Variants in ELF2 observed in about 807,000 individuals in gnomAD.
ELF2 encodes ETS-related transcription factor Elf-2.
Under a neutral mutation model 54.8 loss-of-function variants are expected in ELF2, and 11 were observed. That is an observed-to-expected ratio of 0.20 (90% confidence interval 0.13 to 0.33). The LOEUF is 0.33. ELF2 is among the 10% of genes least tolerant of loss of function. ELF2 has a pLI of 1.00. For synonymous variants in ELF2, 203 were observed against 245.1 expected, an observed-to-expected ratio of 0.83 and a Z score of 1.61; for missense variants, 513 against 703.0, an observed-to-expected ratio of 0.73 and a Z score of 3.06.
At chr4:139,138,254 T>C (rs1006189968) in intron 2 of ELF2, among the ~76,000 whole-genome samples, 1 of 152,012 alleles carries the variant, frequency 6.6e-6, no homozygotes, top group African/African-American at 2.4e-5. Context: ...CCACCTTTAC[T>C]AAAAATACAA....
intron 1 of ELF2, among the ~76,000 whole-genome samples, chr4:139,162,375 T>C (rs760793206): frequency 1.3e-5 from 2 of 151,276 alleles, no homozygotes; most frequent in Non-Finnish European, 2.9e-5. Flanking sequence ...CTACTAAACA[T>C]ACAAAAAATA....
At chr4:139,166,804 C>T (rs1042456742) in intron 1 of ELF2, among the ~76,000 whole-genome samples, 5 of 151,876 alleles carry the variant, frequency 3.3e-5, no homozygotes, top group African/African-American at 9.7e-5. Context: ...GGAGGCAGAG[C>T]TTGCAGTGAG....
intron 1 of ELF2, among the ~76,000 whole-genome samples, chr4:139,145,258 G>A (rs1739111281): frequency 6.6e-6 from 1 of 152,178 alleles, no homozygotes. Context: ...AACGCACTAC[G>A]GCTATTTACA....
chr4:139,078,574 C>CT (rs35529764), intron 4 of ELF2, among the ~76,000 whole-genome samples: 1,562 of 135,550 alleles, frequency 0.012, 26 homozygotes, highest in African/African-American at 0.033. Flanking sequence ...AATGGCAATT[C>CT]TTTTTTTTTT....
chr4:139,145,286 C>T (rs534684704), intron 1 of ELF2, among the ~76,000 whole-genome samples: 3 of 152,340 alleles, frequency 2.0e-5, no homozygotes, highest in East Asian at 3.9e-4. Flanking sequence ...AATCTCACAA[C>T]GTATGTCATT....
rs57452146 is a variant in ELF2, at chr4:139,161,652, T to TAAA, written c.-252+15312_-252+15314dup. 1.0e-3 allele frequency among the ~76,000 whole-genome samples: 73 copies of TAAA among 70,026 alleles called. 4 individuals carry two copies. The highest frequency in any genetic ancestry group is 3.6e-3 in the East Asian group (8 of 2,220). The allele number at this position is 70,026 out of a possible 152,430, so 45.9% of individuals were successfully genotyped here. On this transcript the variant is annotated intron_variant, in intron 1 of 9. Coordinates refer to ENST00000686138, the MANE Select transcript of ELF2 (RefSeq NM_001331036.3). The stretch of plus-strand genomic sequence containing the variant: ...CACAAATAGTCTACGTAAAACTGTT[T>TAAA]AAAAAAAAAAAAAAAAAAAAAAAAA...
At chr4:139,086,402 A>C (rs1216969789) in intron 4 of ELF2, among the ~76,000 whole-genome samples, 1 of 152,210 alleles carries the variant, frequency 6.6e-6, no homozygotes, top group Non-Finnish European at 1.5e-5. Context: ...GAAAATAGAC[A>C]ATAGTTACAG....
At chr4:139,127,964 CAA>C (rs1174310299) in intron 3 of ELF2, among the ~76,000 whole-genome samples, 1,782 of 76,736 alleles carry the variant, frequency 0.023, 12 homozygotes, top group East Asian at 0.069. Context: ...GACTCGGTCT[CAA>C]AAAAAAAAAA....
intron 1 of ELF2, among the ~76,000 whole-genome samples, chr4:139,151,331 A>G (rs1006186241): frequency 6.6e-6 from 1 of 152,168 alleles, no homozygotes; most frequent in African/African-American, 2.4e-5. Flanking sequence ...AGTTTTGACT[A>G]TATCAAAACT....
chr4:139,067,510 A>C, intron 7 of ELF2, 174 bp downstream of exon 7: 2 of 591,832 alleles, frequency 3.4e-6, no homozygotes, highest in Middle Eastern at 3.7e-4. Context: ...AACTGGGCAC[A>C]GATATTTTGA....
Position 139,160,238 on chromosome 4 carries a change from GA to G in ELF2, c.-252+16728del, listed in dbSNP as rs1176603193. 2.0e-5 allele frequency among the ~76,000 whole-genome samples: 3 copies of G among 152,300 alleles called. No homozygotes were observed. In the East Asian group the frequency reaches 5.8e-4, roughly 29 times the overall value. ...TGTAGTCAGTTACTGGGAACACTGT[GA>G]GAGCCAAGTTCTCAGATGCCAGCCA... On this transcript the variant is annotated intron_variant, in intron 1 of 9. Coordinates refer to ENST00000686138, the MANE Select transcript of ELF2 (RefSeq NM_001331036.3).
intron 1 of ELF2, among the ~76,000 whole-genome samples, chr4:139,151,510 C>T (rs941291288): frequency 2.6e-5 from 4 of 152,108 alleles, no homozygotes; most frequent in African/African-American, 9.7e-5. Flanking sequence ...TATATTAAGG[C>T]CCACATGGGT....
chr4:139,137,425 G>A (rs940812461), intron 3 of ELF2: 2 of 595,534 alleles, frequency 3.4e-6, no homozygotes, highest in Admixed American at 6.0e-5. Context: ...TCTAATATAT[G>A]TATGTTCCAA....
chr4:139,122,758 C>T (rs1736513852), intron 4 of ELF2, among the ~76,000 whole-genome samples: 1 of 151,594 alleles, frequency 6.6e-6, no homozygotes, highest in South Asian at 2.1e-4. Context: ...ACCTCGGCCT[C>T]CCAAAGTGCT....
intron 1 of ELF2, among the ~76,000 whole-genome samples, chr4:139,164,678 G>A (rs774322971): frequency 3.9e-5 from 6 of 152,194 alleles, no homozygotes; most frequent in Non-Finnish European, 7.4e-5. Context: ...CCCTGTGTTA[G>A]AACAAGCTTT....
chr4:139,147,176 C>G (rs1402297658), intron 1 of ELF2, among the ~76,000 whole-genome samples: 2 of 151,816 alleles, frequency 1.3e-5, no homozygotes, highest in Admixed American at 6.6e-5. Context: ...ACAGGGAGCT[C>G]AAACAAATCA....
At chr4:139,086,589 A>C (rs1732007750) in intron 4 of ELF2, among the ~76,000 whole-genome samples, 1 of 152,224 alleles carries the variant, frequency 6.6e-6, no homozygotes, top group Non-Finnish European at 1.5e-5. Flanking sequence ...CTTATTCAAC[A>C]AATTATTATC....
intron 1 of ELF2, among the ~76,000 whole-genome samples, chr4:139,173,204 T>C (rs959995412): frequency 9.2e-5 from 14 of 152,126 alleles, no homozygotes; most frequent in African/African-American, 3.4e-4. Flanking sequence ...AGGTGATAGA[T>C]AGTTTCACGA....
chr4:139,095,184 G>C (rs1410584932), intron 4 of ELF2, among the ~76,000 whole-genome samples: 1 of 143,736 alleles, frequency 7.0e-6, no homozygotes, highest in Non-Finnish European at 1.5e-5. Context: ...ATTTGCTATA[G>C]ATTTTTTTTT....
Sources: allele counts gnomAD v4.1 joint callset (sites outside exome capture counted in the v4.1 genomes callset), GRCh38; gene constraint gnomAD v4.1.1; transcripts MANE v1.5; gene names NCBI Gene and HGNC (gene_info 2026-07-23, HGNC 2026-07-21).